The following ARHGAP10 variants were observed in gnomAD, a reference collection of about 807,000 sequenced individuals.
The protein encoded by ARHGAP10 is Rho GTPase activating protein 10, also known as rho GTPase-activating protein 10.
ARHGAP10 carries 87 observed loss-of-function variants against 108.6 expected under a neutral mutation model. The observed-to-expected ratio is 0.80, with a 90% CI of 0.67 to 0.96. The LOEUF (loss-of-function observed/expected upper bound fraction) is 0.96. Ranked by LOEUF, ARHGAP10 falls within the 40% of genes least tolerant of loss-of-function variation. ARHGAP10 has a pLI of 0.00. For synonymous variants in ARHGAP10, 347 were observed against 341.1 expected (o/e 1.02, Z -0.19); for missense variants, 939 against 954.5 (o/e 0.98, Z 0.21).
chr4:148,012,350 T>C (rs1464822053), intron 18 of ARHGAP10, among the ~76,000 whole-genome samples: 3 of 152,200 alleles, frequency 2.0e-5, no homozygotes, highest in Non-Finnish European at 4.4e-5. Flanking sequence ...CAGGAACATT[T>C]ATACCTTTTA....
intron 18 of ARHGAP10, among the ~76,000 whole-genome samples, chr4:147,977,391 A>G (rs1422550740): frequency 6.6e-6 from 1 of 152,090 alleles, no homozygotes. Flanking sequence ...TTTTGCCTTG[A>G]GCTAGTGCTC....
intron 1 of ARHGAP10, among the ~76,000 whole-genome samples, chr4:147,738,053 G>T (rs1728491591): frequency 1.4e-5 from 2 of 147,946 alleles, no homozygotes; most frequent in Non-Finnish European, 3.0e-5. Flanking sequence ...AGGGTACATT[G>T]TAGACTTTTG....
At chr4:148,047,852 T>A (rs1033758757) in intron 20 of ARHGAP10, among the ~76,000 whole-genome samples, 5 of 152,280 alleles carry the variant, frequency 3.3e-5, no homozygotes, top group Non-Finnish European at 7.4e-5. Flanking sequence ...GATGGAGTTT[T>A]GCTTTTGTTG....
chr4:148,056,018 A>G (rs1729349155), intron 20 of ARHGAP10, among the ~76,000 whole-genome samples: 1 of 152,178 alleles, frequency 6.6e-6, no homozygotes, highest in Non-Finnish European at 1.5e-5. Flanking sequence ...ACCTGTCTTT[A>G]TAAAGTTTTA....
intron 20 of ARHGAP10, among the ~76,000 whole-genome samples, chr4:148,062,042 G>A (rs7696511): frequency 1 from 152,011 of 152,316 alleles, 75,854 homozygotes; most frequent in East Asian, 1. Flanking sequence ...AGCTTGAGGC[G>A]GAGGTGGGAA....
intron 19 of ARHGAP10, among the ~76,000 whole-genome samples, chr4:148,041,058 A>G (rs1020737336): frequency 2.6e-5 from 4 of 152,240 alleles, no homozygotes; most frequent in Admixed American, 2.0e-4. Flanking sequence ...AGCGTCCCCC[A>G]GCTAGCCAAA....
At position 147,913,040 on chromosome 4, in the gene ARHGAP10, T is replaced by C. The variant is rs145312098; in HGVS notation, c.1163-34T>C. 524 of 1,560,002 alleles carry C rather than the reference T, an allele frequency of 3.4e-4. 3 individuals are homozygous for C. The African/African-American group carries it at 6.0e-3, about 18-fold the overall frequency. On this transcript the variant is annotated intron_variant, in intron 12 of 22. Coordinates refer to ENST00000336498, the MANE Select transcript of ARHGAP10 (RefSeq NM_024605.4). ...GGAAGAGAAATGTGATAAATAATAA[T>C]TGTACACTTAATGTTTTAAACTGTT...
chr4:147,733,537 A>C (rs115817780), intron 1 of ARHGAP10, among the ~76,000 whole-genome samples: 2,692 of 152,238 alleles, frequency 0.018, 78 homozygotes, highest in African/African-American at 0.062. Context: ...AGTAATTCTC[A>C]GCCTTAGGTA....
chr4:147,789,923 C>G (rs137972221), intron 1 of ARHGAP10, among the ~76,000 whole-genome samples: 2 of 150,838 alleles, frequency 1.3e-5, no homozygotes, highest in Non-Finnish European at 2.9e-5. Context: ...GGGCTCACAT[C>G]GGAACCTTTC....
chr4:147,862,265 T>C, intron 5 of ARHGAP10: 1 of 152,650 alleles, frequency 6.6e-6, no homozygotes, highest in Middle Eastern at 3.3e-3. Context: ...GGCTACAACT[T>C]TGCTCCACAC....
At chr4:148,058,960 C>G (rs1046805654) in intron 20 of ARHGAP10, among the ~76,000 whole-genome samples, 5 of 152,232 alleles carry the variant, frequency 3.3e-5, no homozygotes, top group Admixed American at 1.3e-4. Context: ...TCCACCCACC[C>G]CACCTAAACA....
At chr4:148,015,395 T>G (rs768652662) in intron 18 of ARHGAP10, among the ~76,000 whole-genome samples, 7 of 152,152 alleles carry the variant, frequency 4.6e-5, no homozygotes, top group Non-Finnish European at 1.0e-4. Context: ...GGGCCTCAGT[T>G]TGCTCAACTG....
chr4:148,045,738 CAAAAAAAAAAA>C (rs11363800), intron 19 of ARHGAP10, among the ~76,000 whole-genome samples: 6 of 57,516 alleles, frequency 1.0e-4, no homozygotes, highest in African/African-American at 1.5e-4. Context: ...AACTCCATCT[CAAAAAAAAAAA>C]AAAAAAAAAA....
At chr4:147,803,529 A>T (rs1731663247) in intron 1 of ARHGAP10, among the ~76,000 whole-genome samples, 1 of 152,206 alleles carries the variant, frequency 6.6e-6, no homozygotes, top group African/African-American at 2.4e-5. Context: ...AAACACTAGA[A>T]GTTATTCCTT....
At position 147,963,549 on chromosome 4, in the gene ARHGAP10, G is replaced by T. The variant is rs541657090; in HGVS notation, c.1451-1475G>T. 3.3e-5 allele frequency among the ~76,000 whole-genome samples: 5 copies of T among 152,288 alleles called. No individual in the cohort carries two copies. The South Asian group carries it at 1.0e-3, about 32-fold the overall frequency. The stretch of plus-strand genomic sequence containing the variant: ...TTTCCAATCAAGAACACAATAAAGG[G>T]AATTGGGGTACACTGTTAATAAGAG... On this transcript the variant is annotated intron_variant, in intron 16 of 22. Transcript: ENST00000336498.
At chr4:147,849,674 T>G (rs1733780670) in intron 4 of ARHGAP10, among the ~76,000 whole-genome samples, 1 of 152,230 alleles carries the variant, frequency 6.6e-6, no homozygotes, top group African/African-American at 2.4e-5. Flanking sequence ...TGCTTTTACC[T>G]TCTCCGGTTT....
chr4:147,876,504 A>G (rs1735064730), intron 8 of ARHGAP10, among the ~76,000 whole-genome samples: 1 of 151,906 alleles, frequency 6.6e-6, no homozygotes, highest in African/African-American at 2.4e-5. Context: ...GAGGCAGGAG[A>G]ATGGCGTGAA....
chr4:148,053,033 G>A (rs1431262777), intron 20 of ARHGAP10, among the ~76,000 whole-genome samples: 1 of 152,060 alleles, frequency 6.6e-6, no homozygotes, highest in African/African-American at 2.4e-5. Flanking sequence ...TAGTATTATG[G>A]GCCACCAGAC....
intron 18 of ARHGAP10, among the ~76,000 whole-genome samples, chr4:147,990,051 G>T (rs180783301): frequency 5.3e-5 from 8 of 152,306 alleles, no homozygotes; most frequent in Non-Finnish European, 4.4e-5. Flanking sequence ...CTGACTTCCC[G>T]CAACACTCCT....
Sources: gnomAD v4.1 joint callset for allele counts (sites outside exome capture counted in the v4.1 genomes callset) on GRCh38, gnomAD v4.1.1 for gene constraint, MANE v1.5 for transcripts, NCBI Gene and HGNC (gene_info 2026-07-23, HGNC 2026-07-21) for gene names.